TBC1D15: variants seen among roughly 807,000 people sequenced by gnomAD.
TBC1D15 encodes the protein GAP for RAB7.
TBC1D15 carries 39 observed loss-of-function variants against 95.4 expected under a neutral mutation model. That is an observed-to-expected ratio of 0.41 (90% confidence interval 0.32 to 0.53). TBC1D15 has a LOEUF of 0.53. Among genes scored for constraint, TBC1D15 ranks in the 20% least tolerant of loss-of-function variants. TBC1D15 has a pLI of 0.29. For synonymous variants in TBC1D15, 258 were observed against 261.3 expected (o/e 0.99, Z 0.12); for missense variants, 733 against 794.3 (o/e 0.92, Z 0.93).
chr12:71,897,528 G>T (rs948360983), intron 9 of TBC1D15, among the ~76,000 whole-genome samples: 31 of 151,946 alleles, frequency 2.0e-4, no homozygotes, highest in African/African-American at 7.2e-4. Flanking sequence ...AACTTTAGTG[G>T]TTAAAATATT....
chr12:71,920,712 G>A lies in TBC1D15; in HGVS notation c.1600-19G>A, dbSNP rs1868964356. ...TAGAATTGATACAATTTGCAAAATA[G>A]TTCTTCTGCCTTCTATAGGTAATGT... is the stretch of plus-strand genomic sequence containing the variant. On this transcript the variant is annotated intron_variant, in intron 14 of 16. Coordinates refer to ENST00000485960, the MANE Select transcript of TBC1D15 (RefSeq NM_001146213.3). The A allele has an allele frequency of 6.4e-7, 1 of 1,574,200 alleles. No individual in the cohort carries two copies. The highest frequency in any genetic ancestry group is 8.7e-7 in the Non-Finnish European group (1 of 1,145,922).
At position 71,923,253 on chromosome 12, in the gene TBC1D15, T is replaced by C; in HGVS notation, c.*49T>C. The C allele has an allele frequency of 1.3e-6, 2 of 1,582,686 alleles. No homozygotes were observed. The highest frequency in any genetic ancestry group is 8.7e-7 in the Non-Finnish European group (1 of 1,155,246). ...AGAGACACTTTGTTGCAACCCTTTT[T>C]CAAGTACTTGAAAGTTGAAAATTTG... is the stretch of plus-strand genomic sequence containing the variant. On this transcript the variant is annotated 3_prime_UTR_variant, in exon 17 of 17. Transcript: ENST00000485960.
intron 1 of TBC1D15, among the ~76,000 whole-genome samples, chr12:71,871,140 G>A (rs1489904572): frequency 6.6e-6 from 1 of 152,158 alleles, no homozygotes; most frequent in Non-Finnish European, 1.5e-5. Flanking sequence ...TATGAAAAAT[G>A]AGGCTTAACC....
At chr12:71,904,954 G>T (rs1375676208) in intron 10 of TBC1D15, among the ~76,000 whole-genome samples, 1 of 152,178 alleles carries the variant, frequency 6.6e-6, no homozygotes, top group Non-Finnish European at 1.5e-5. Context: ...CAGTCAACGT[G>T]GTTGTGTTTT....
chr12:71,899,651 T>C (rs1466378294), intron 10 of TBC1D15, among the ~76,000 whole-genome samples: 2 of 152,326 alleles, frequency 1.3e-5, no homozygotes, highest in East Asian at 1.9e-4. Context: ...TGAGACTCTA[T>C]TGGAGCATTT....
intron 1 of TBC1D15, chr12:71,849,948 G>T: frequency 3.7e-6 from 2 of 538,738 alleles, no homozygotes; most frequent in South Asian, 3.2e-5. Flanking sequence ...CCCCTGAAGG[G>T]TGTTGATCCA....
At chr12:71,878,570 C>A (rs1894455596) in intron 3 of TBC1D15, among the ~76,000 whole-genome samples, 1 of 150,772 alleles carries the variant, frequency 6.6e-6, no homozygotes, top group Admixed American at 6.6e-5. Context: ...GGCTGGAGTG[C>A]AGTGGTGCGA....
intron 11 of TBC1D15, among the ~76,000 whole-genome samples, chr12:71,909,268 T>C (rs1489280236): frequency 6.6e-6 from 1 of 152,214 alleles, no homozygotes; most frequent in Non-Finnish European, 1.5e-5. Flanking sequence ...CATTTCTTAC[T>C]CTTTACTCAT....
chr12:71,863,625 A>T (rs983648580), intron 1 of TBC1D15, among the ~76,000 whole-genome samples: 1 of 152,116 alleles, frequency 6.6e-6, no homozygotes, highest in Non-Finnish European at 1.5e-5. Flanking sequence ...TAGGTTTTCT[A>T]TACCTTTTCT....
rs775811469 is a variant in TBC1D15 at position 71,839,759 on chromosome 12, A to G, written c.-23A>G. The G allele has an allele frequency of 9.9e-6, 16 of 1,614,066 alleles. No homozygotes were observed. In the East Asian group the frequency reaches 1.1e-4, roughly 11 times the overall value. The stretch of plus-strand genomic sequence containing the variant: ...GAGACACGTGAGGTTCTGCTACGTC[A>G]TTACCAGGCACGCGCAGGAAACATG... On this transcript the variant is annotated 5_prime_UTR_variant, in exon 1 of 17. Coordinates refer to ENST00000485960, the MANE Select transcript of TBC1D15 (RefSeq NM_001146213.3).
At chr12:71,919,593 C>G (rs985592691) in intron 14 of TBC1D15, among the ~76,000 whole-genome samples, 1 of 152,178 alleles carries the variant, frequency 6.6e-6, no homozygotes, top group Non-Finnish European at 1.5e-5. Flanking sequence ...TTTATGCTCA[C>G]TTCCTCTGTT....
At chr12:71,847,304 T>C (rs1886534824) in intron 1 of TBC1D15, among the ~76,000 whole-genome samples, 1 of 152,224 alleles carries the variant, frequency 6.6e-6, no homozygotes, top group African/African-American at 2.4e-5. Context: ...TGGAATTATA[T>C]AGTATATACT....
intron 10 of TBC1D15, among the ~76,000 whole-genome samples, chr12:71,906,245 A>C (rs1900684792): frequency 6.6e-6 from 1 of 152,222 alleles, no homozygotes; most frequent in South Asian, 2.1e-4. Context: ...GGCAGTTATC[A>C]CTTTTAAACA....
intron 1 of TBC1D15, among the ~76,000 whole-genome samples, chr12:71,847,845 C>G (rs1008351987): frequency 2.0e-5 from 3 of 152,084 alleles, no homozygotes; most frequent in Non-Finnish European, 4.4e-5. Context: ...CACCTGTAAT[C>G]CCAGCACTTT....
At chr12:71,874,621 ATTT>A (rs57095362) in intron 3 of TBC1D15, among the ~76,000 whole-genome samples, 2 of 122,308 alleles carry the variant, frequency 1.6e-5, no homozygotes, top group Non-Finnish European at 1.7e-5. Flanking sequence ...TATATTTACT[ATTT>A]TTTTTTTTTT....
intron 1 of TBC1D15, chr12:71,849,501 G>A (rs967967896): frequency 4.9e-5 from 38 of 778,714 alleles, no homozygotes; most frequent in African/African-American, 1.2e-4. Context: ...TCCAAAGAGC[G>A]AAAGAGAGAA....
chr12:71,855,307 C>T (rs1192948367), intron 1 of TBC1D15, among the ~76,000 whole-genome samples: 2 of 152,122 alleles, frequency 1.3e-5, no homozygotes, highest in African/African-American at 4.8e-5. Context: ...GGGATACAGT[C>T]AAACCGTATC....
In TBC1D15 at chr12:71,907,354, T is replaced by C. The variant is rs560108452; in HGVS notation, c.1300+216T>C. ...CAGGAGCACCATGGGATATTTAAAA[T>C]TTTTAAGGGAATTATAAAGACATCT... On this transcript the variant is annotated intron_variant, in intron 11 of 16. Transcript: ENST00000485960. 3.8e-4 allele frequency: 129 copies of C among 337,144 alleles called. No homozygotes were observed. In the Middle Eastern group the frequency reaches 6.2e-3, roughly 16 times the overall value. The allele number at this position is 337,144 out of a possible 1,614,324, so 20.9% of individuals were successfully genotyped here.
At chr12:71,865,609 A>C (rs867869988) in intron 1 of TBC1D15, among the ~76,000 whole-genome samples, 1 of 152,140 alleles carries the variant, frequency 6.6e-6, no homozygotes, top group South Asian at 2.1e-4. Context: ...GGAATAGCAC[A>C]GTGATGACTT....
Sources: allele counts gnomAD v4.1 joint callset (sites outside exome capture counted in the v4.1 genomes callset), GRCh38; gene constraint gnomAD v4.1.1; transcripts MANE v1.5; gene names NCBI Gene and HGNC (gene_info 2026-07-23, HGNC 2026-07-21).